The following CSMD1 variants were observed in gnomAD, a reference collection of about 807,000 sequenced individuals.
CSMD1 encodes the protein CUB and Sushi multiple domains 1.
Under a neutral mutation model 417.5 loss-of-function variants are expected in CSMD1, and 213 were observed. That is an observed-to-expected ratio of 0.51 (90% CI 0.46 to 0.57). The LOEUF (loss-of-function observed/expected upper bound fraction) is 0.57, where lower values mean the gene tolerates loss of function less well. CSMD1 is among the 20% of genes least tolerant of loss of function. The pLI is 0.00. For missense variants in CSMD1, 6,923 were observed against 4,529.7 expected (o/e 1.53, Z -15.17); for synonymous variants, 2,862 against 1,736.8 (o/e 1.65, Z -16.11).
chr8:4,653,126 T>A (rs1015186202), intron 1 of CSMD1, among the ~76,000 whole-genome samples: 1 of 152,088 alleles, frequency 6.6e-6, no homozygotes, highest in Admixed American at 6.5e-5. Context: ...AGCCACAGAT[T>A]CAGCCCATTT....
chr8:4,246,161 C>T (rs532512691), intron 3 of CSMD1, among the ~76,000 whole-genome samples: 18 of 152,032 alleles, frequency 1.2e-4, no homozygotes, highest in Non-Finnish European at 2.4e-4. Context: ...TTTCCTGATC[C>T]CCTCTTTCTT....
intron 1 of CSMD1, among the ~76,000 whole-genome samples, chr8:4,855,721 A>G (rs558767114): frequency 3.3e-5 from 5 of 152,024 alleles, no homozygotes; most frequent in African/African-American, 4.8e-5. Flanking sequence ...AGAAAAAAGA[A>G]TAAAAAGAAA....
chr8:4,423,883 A>G (rs1797398447), intron 2 of CSMD1, among the ~76,000 whole-genome samples: 1 of 152,090 alleles, frequency 6.6e-6, no homozygotes, highest in Admixed American at 6.6e-5. Context: ...CCGTATGTCA[A>G]TGGATCAGAA....
chr8:3,217,547 G>A (rs117528720), intron 29 of CSMD1, among the ~76,000 whole-genome samples: 116 of 152,052 alleles, frequency 7.6e-4, no homozygotes, highest in Admixed American at 1.4e-3. Context: ...GGGGCGTGGG[G>A]GGCTATCATA....
chr8:4,248,992 A>C (rs1802884985), intron 3 of CSMD1, among the ~76,000 whole-genome samples: 1 of 152,138 alleles, frequency 6.6e-6, no homozygotes, highest in Non-Finnish European at 1.5e-5. Context: ...ATAAACAAAC[A>C]CTAGACCATG....
intron 5 of CSMD1, among the ~76,000 whole-genome samples, chr8:3,939,876 G>T (rs565755158): frequency 2.6e-5 from 4 of 151,938 alleles, no homozygotes; most frequent in Admixed American, 1.3e-4. Context: ...GGTAGGAAGC[G>T]GGTGAGGGAA....
chr8:4,821,229 T>A (rs12675445), intron 1 of CSMD1, among the ~76,000 whole-genome samples: 9,796 of 152,216 alleles, frequency 0.064, 556 homozygotes, highest in East Asian at 0.24. Flanking sequence ...ATTCTTACAA[T>A]TATAAAGGAT....
At chr8:4,951,518 G>C (rs536645437) in intron 1 of CSMD1, among the ~76,000 whole-genome samples, 13 of 150,532 alleles carry the variant, frequency 8.6e-5, no homozygotes, top group African/African-American at 2.7e-4. Flanking sequence ...GGAAGGATGG[G>C]AGGGGAGAAA....
At chr8:3,606,128 G>T (rs927380580) in intron 8 of CSMD1, among the ~76,000 whole-genome samples, 1 of 152,164 alleles carries the variant, frequency 6.6e-6, no homozygotes, top group South Asian at 2.1e-4. Flanking sequence ...CAAGAAGCTG[G>T]GTGTAAAGAG....
chr8:4,990,917 C>A (rs916148132), intron 1 of CSMD1, among the ~76,000 whole-genome samples: 1 of 152,138 alleles, frequency 6.6e-6, no homozygotes, highest in Non-Finnish European at 1.5e-5. Context: ...CTCAGCAGTG[C>A]GTGCTCACAT....
At chr8:3,491,649 C>T (rs538965079) in intron 11 of CSMD1, among the ~76,000 whole-genome samples, 6 of 152,212 alleles carry the variant, frequency 3.9e-5, no homozygotes, top group Admixed American at 2.0e-4. Flanking sequence ...CTGGGTCCAT[C>T]GATTTTTAAG....
chr8:4,127,713 A>C (rs1802850143), intron 3 of CSMD1, among the ~76,000 whole-genome samples: 1 of 152,222 alleles, frequency 6.6e-6, no homozygotes, highest in African/African-American at 2.4e-5. Context: ...GAATAAATTT[A>C]AGAAAGGTAT....
chr8:3,261,134 C>T (rs1255098903), intron 26 of CSMD1, among the ~76,000 whole-genome samples: 1 of 152,124 alleles, frequency 6.6e-6, no homozygotes, highest in African/African-American at 2.4e-5. Flanking sequence ...CTTATAAGCA[C>T]ACTTAAATTT....
chr8:4,679,557 T>C (rs1267079626), intron 1 of CSMD1, among the ~76,000 whole-genome samples: 2 of 152,288 alleles, frequency 1.3e-5, no homozygotes, highest in African/African-American at 2.4e-5. Context: ...GGAGCACAGA[T>C]AATTTTTTTC....
chr8:3,311,220 G>C (rs1411826496), intron 23 of CSMD1, among the ~76,000 whole-genome samples: 6 of 152,054 alleles, frequency 3.9e-5, no homozygotes, highest in Non-Finnish European at 8.8e-5. Context: ...AGAAATTGTT[G>C]ACATGAGATA....
At chr8:3,485,687 G>A (rs953183477) in intron 11 of CSMD1, among the ~76,000 whole-genome samples, 7 of 151,842 alleles carry the variant, frequency 4.6e-5, no homozygotes, top group Non-Finnish European at 1.0e-4. Flanking sequence ...TTGAACTTGA[G>A]AGGCAGCAGT....
chr8:3,943,837 G>C (rs1374043918), intron 5 of CSMD1, among the ~76,000 whole-genome samples: 1 of 152,078 alleles, frequency 6.6e-6, no homozygotes, highest in Non-Finnish European at 1.5e-5. Context: ...GGATATGGAA[G>C]GAAAAAATTG....
chr8:4,636,004 A>G (rs1271999296), intron 2 of CSMD1, among the ~76,000 whole-genome samples: 1 of 152,044 alleles, frequency 6.6e-6, no homozygotes, highest in Non-Finnish European at 1.5e-5. Flanking sequence ...ATATATTTGA[A>G]AATATATTAA....
chr8:3,303,466 AC>A (rs1173890889), intron 25 of CSMD1, among the ~76,000 whole-genome samples: 1 of 152,206 alleles, frequency 6.6e-6, no homozygotes, highest in Non-Finnish European at 1.5e-5. Context: ...GCTTTTGACA[AC>A]CTTGATACCT....
Sources: allele counts gnomAD v4.1 joint callset (sites outside exome capture counted in the v4.1 genomes callset), GRCh38; gene constraint gnomAD v4.1.1; transcripts MANE v1.5; gene names NCBI Gene and HGNC (gene_info 2026-07-23, HGNC 2026-07-21).